Variants in IL26 observed in about 807,000 individuals in gnomAD.
IL26 encodes interleukin-26.
A neutral mutation model predicts 21.7 loss-of-function variants in IL26; 23 were observed. That is an observed-to-expected ratio of 1.06 (90% CI 0.76 to 1.50). The LOEUF (loss-of-function observed/expected upper bound fraction) is 1.50, where lower values mean the gene tolerates loss of function less well. IL26 is among the 40% of genes most tolerant of loss of function. The pLI, the probability that IL26 is intolerant of heterozygous loss-of-function variation, is 0.00. For missense variants in IL26, 204 were observed against 196.0 expected (o/e 1.04, Z -0.24); for synonymous variants, 63 against 67.8 (o/e 0.93, Z 0.34).
chr12:68,214,691 T>C (rs1270380081), intron 3 of IL26, among the ~76,000 whole-genome samples: 2 of 152,168 alleles, frequency 1.3e-5, no homozygotes, highest in African/African-American at 4.8e-5. Context: ...ATATCTTTTA[T>C]CCATTCCTTA....
At chr12:68,213,147 G>A (rs1158933417) in intron 3 of IL26, among the ~76,000 whole-genome samples, 1 of 150,488 alleles carries the variant, frequency 6.6e-6, no homozygotes, top group East Asian at 1.9e-4. Flanking sequence ...TGATCATATG[G>A]TTTTTGTTCT....
chr12:68,218,229 TA>T (rs2120462971), intron 3 of IL26, among the ~76,000 whole-genome samples: 1 of 70,842 alleles, frequency 1.4e-5, no homozygotes, highest in East Asian at 3.2e-4. Flanking sequence ...ATATGACCCA[TA>T]ACGAGGGAAA....
chr12:68,225,286 A>G lies in IL26; in HGVS notation c.229-3T>C, dbSNP rs747380547. The G allele has an allele frequency of 5.6e-6, 9 of 1,604,918 alleles. No homozygotes were observed. Among genetic ancestry groups the G allele is most frequent in the Non-Finnish European group, 7.7e-6 (9 of 1,176,194 alleles). On this transcript the variant is annotated splice_region_variant and splice_polypyrimidine_tract_variant and intron_variant, in intron 2 of 4. Transcript: ENST00000229134. Reference sequence around the variant, plus strand: ...TGTTCTTGAAATTGACAGTTTTTCTAAAAATAAGATACAAGAAATTGCATA... The same window carrying G: ...TGTTCTTGAAATTGACAGTTTTTCTGAAAATAAGATACAAGAAATTGCATA...
chr12:68,224,815 T>TA (rs1869189823), intron 3 of IL26, among the ~76,000 whole-genome samples: 1 of 152,062 alleles, frequency 6.6e-6, no homozygotes, highest in South Asian at 2.1e-4. Context: ...ACAAAGTTGG[T>TA]ACTCAAGAAA....
chr12:68,210,100 C>T (rs1433773031), intron 3 of IL26, among the ~76,000 whole-genome samples: 1 of 151,528 alleles, frequency 6.6e-6, no homozygotes, highest in Non-Finnish European at 1.5e-5. Context: ...TTTTTCTTCT[C>T]CAAAATACAG....
chr12:68,214,820 C>G (rs538450599), intron 3 of IL26, among the ~76,000 whole-genome samples: 1 of 150,856 alleles, frequency 6.6e-6, no homozygotes, highest in Non-Finnish European at 1.5e-5. Flanking sequence ...ATTTAGTCCA[C>G]TTACATTCAA....
At chr12:68,206,659 C>T (rs1216960737) in intron 3 of IL26, among the ~76,000 whole-genome samples, 1 of 152,340 alleles carries the variant, frequency 6.6e-6, no homozygotes, top group East Asian at 1.9e-4. Context: ...AACCTGACTG[C>T]ATTTGCACAA....
At chr12:68,217,039 A>T (rs1868903277) in intron 3 of IL26, among the ~76,000 whole-genome samples, 1 of 149,456 alleles carries the variant, frequency 6.7e-6, no homozygotes, top group African/African-American at 2.4e-5. Flanking sequence ...CAATTTTCCA[A>T]ATATTATGGC....
intron 3 of IL26, among the ~76,000 whole-genome samples, chr12:68,204,204 C>T (rs1370162347): frequency 2.2e-5 from 3 of 135,542 alleles, no homozygotes; most frequent in African/African-American, 5.5e-5. Flanking sequence ...AGTGCAGTGG[C>T]GCAATCTTGG....
intron 3 of IL26, among the ~76,000 whole-genome samples, chr12:68,221,280 G>A (rs1238182966): frequency 6.6e-6 from 1 of 152,034 alleles, no homozygotes; most frequent in Non-Finnish European, 1.5e-5. Flanking sequence ...GTATATTAAA[G>A]GAAAGGAGGA....
intron 3 of IL26, among the ~76,000 whole-genome samples, chr12:68,224,316 T>C (rs922219804): frequency 8.6e-5 from 13 of 152,016 alleles, no homozygotes; most frequent in African/African-American, 1.9e-4. Flanking sequence ...TTTTGTTTTG[T>C]TTTGTTTTGT....
At chr12:68,202,667 C>T (rs1273075175) in intron 3 of IL26, among the ~76,000 whole-genome samples, 1 of 152,118 alleles carries the variant, frequency 6.6e-6, no homozygotes, top group East Asian at 1.9e-4. Context: ...GAGAAACCTC[C>T]CCCATGATCC....
chr12:68,223,534 A>G (rs527271937), intron 3 of IL26, among the ~76,000 whole-genome samples: 72 of 152,336 alleles, frequency 4.7e-4, no homozygotes, highest in African/African-American at 1.6e-3. Context: ...AAACCAAATT[A>G]GTAATGAAAA....
At chr12:68,204,141 A>ATTTTTTTTTTTTTT (rs6144754) in intron 3 of IL26, among the ~76,000 whole-genome samples, 6 of 113,216 alleles carry the variant, frequency 5.3e-5, no homozygotes, top group South Asian at 2.8e-4. Flanking sequence ...GGATTCAAAG[A>ATTTTTTTTTTTTTT]TTTTTTTTTT....
At chr12:68,202,157 A>G in intron 3 of IL26, 74 bp from the exon 4 acceptor site, 1 of 950,314 alleles carries the variant, frequency 1.1e-6, no homozygotes, top group Non-Finnish European at 1.6e-6. Context: ...CATTCAACAA[A>G]TATTTATAGA....
chr12:68,212,239 G>A (rs1018455809), intron 3 of IL26, among the ~76,000 whole-genome samples: 2 of 151,972 alleles, frequency 1.3e-5, no homozygotes, highest in African/African-American at 2.4e-5. Context: ...ATTGGTCTAT[G>A]TTTTTTGTTT....
Position 68,201,962 on chromosome 12 carries a change from A to C in IL26, c.430-31T>G, listed in dbSNP as rs1565735232. On this transcript the variant is annotated intron_variant, in intron 4 of 4. Coordinates refer to ENST00000229134, the MANE Select transcript of IL26 (RefSeq NM_018402.2). ...GATAAAGTACAGATATAAGAGAATA[A>C]ATTTTTCCTATTTTAAAAAACAAAG... 3 of 1,562,788 alleles carry C rather than the reference A, an allele frequency of 1.9e-6. No individual in the cohort carries two copies. In the African/African-American group the frequency reaches 4.1e-5, roughly 22 times the overall value.
At chr12:68,220,905 G>T (rs1197446434) in intron 3 of IL26, among the ~76,000 whole-genome samples, 2 of 152,202 alleles carry the variant, frequency 1.3e-5, no homozygotes, top group African/African-American at 4.8e-5. Flanking sequence ...CCAAAGTGCT[G>T]GGATTGTAGG....
At chr12:68,208,560 G>A (rs562965231) in intron 3 of IL26, among the ~76,000 whole-genome samples, 23 of 152,148 alleles carry the variant, frequency 1.5e-4, no homozygotes, top group Admixed American at 3.9e-4. Context: ...GTGCAGTGGC[G>A]CGCGCAATCT....
Sources: allele counts gnomAD v4.1 joint callset (sites outside exome capture counted in the v4.1 genomes callset), GRCh38; gene constraint gnomAD v4.1.1; transcripts MANE v1.5; gene names NCBI Gene and HGNC (gene_info 2026-07-23, HGNC 2026-07-21).